ZBTB22: variants seen among roughly 807,000 people sequenced by gnomAD.
ZBTB22 encodes zinc finger and BTB domain-containing protein 22.
For missense variants in ZBTB22, 668 were observed against 834.1 expected, an observed-to-expected ratio of 0.80 and a Z score of 2.45; for synonymous variants, 356 against 347.3, an observed-to-expected ratio of 1.03 and a Z score of -0.28.
chr6:33,314,862 C>T lies in ZBTB22; in HGVS notation c.*150G>A. The T allele has an allele frequency of 7.2e-7, 1 of 1,388,826 alleles. No individual in the cohort carries two copies. Among genetic ancestry groups the T allele is most frequent in the Non-Finnish European group, 9.4e-7 (1 of 1,060,718 alleles). The allele number at this position is 1,388,826 out of a possible 1,614,324, so 86.0% of individuals were successfully genotyped here. Reference sequence around the variant, plus strand: ...GTAGAATGGGCGGGCGATGGTGAAACTGTGGTTCCCCTTCCAGAATATATA... The same window carrying T: ...GTAGAATGGGCGGGCGATGGTGAAATTGTGGTTCCCCTTCCAGAATATATA... On this transcript the variant is annotated 3_prime_UTR_variant, in exon 2 of 2. Coordinates refer to ENST00000431845, the MANE Select transcript of ZBTB22 (RefSeq NM_005453.5).
In ZBTB22 at chr6:33,316,036, T is replaced by C. The variant is rs1299443409; in HGVS notation, c.881A>G (p.Gln294Arg). 6 of 1,614,058 alleles carry C rather than the reference T, an allele frequency of 3.7e-6. No homozygotes were observed. The highest frequency in any genetic ancestry group is 2.2e-5 in the East Asian group (1 of 44,878). Reference protein sequence around the residue: ...PTYTPPSIMPQKHWVYVKRGG... With the variant: ...PTYTPPSIMPRKHWVYVKRGG... ...TCGCTTCACGTATACCCAGTGTTTCTGTGGCATGATGCTAGGGGGTGTGTA... is the reference window on the plus strand; with the variant it reads ...TCGCTTCACGTATACCCAGTGTTTCCGTGGCATGATGCTAGGGGGTGTGTA... Residue 294 changes from glutamine (Q) to arginine (R), a missense_variant, in exon 2 of 2, where the codon CAG (glutamine) becomes CGG (arginine). Physicochemically the swap from Gln to Arg is conservative, Grantham distance 43. Transcript: ENST00000431845. The surrounding 1 kb of genome is among the most constrained non-coding windows in gnomAD (Gnocchi z 7.2).
At chr6:33,317,632 A>T (rs1251160746) in intron 1 of ZBTB22, 21 bp downstream of exon 1, 1 of 91,244 alleles carries the variant, frequency 1.1e-5, no homozygotes, top group African/African-American at 4.2e-5. Flanking sequence ...GCGCCCCCCA[A>T]CCTCGCGCGT....
chr6:33,315,682 G>A lies in ZBTB22; in HGVS notation c.1235C>T (p.Pro412Leu), dbSNP rs750581021. 2 of 1,613,812 alleles carry A rather than the reference G, an allele frequency of 1.2e-6. No individual in the cohort carries two copies. Among genetic ancestry groups the A allele is most frequent in the Admixed American group, 1.7e-5 (1 of 60,010 alleles). ...GTCCAAGGGAAGGAGCGGTCGAGGA[G>A]GGTGGGAGGGGGCATAGGAAGAGGG... Reference protein sequence around the residue: ...PTPSSYAPSHPPRPLLPLDMQ... With the variant: ...PTPSSYAPSHLPRPLLPLDMQ... Residue 412 changes from proline to leucine, a missense_variant, in exon 2 of 2, where the codon CCT (proline) becomes CTT (leucine). Pro to Leu is a moderately conservative substitution (Grantham distance 98). Transcript: ENST00000431845. The surrounding 1 kb of genome is among the most constrained non-coding windows in gnomAD (Gnocchi z 5.4).
intron 1 of ZBTB22, 147 bp downstream of exon 1, chr6:33,317,506 C>T (rs1199220647): frequency 8.3e-6 from 1 of 121,066 alleles, no homozygotes. Context: ...CCCCCCCGTG[C>T]CCCGCCCACT....
At position 33,316,988 on chromosome 6, in the gene ZBTB22, G is replaced by A; in HGVS notation, c.-69-3C>T. On this transcript the variant is annotated splice_polypyrimidine_tract_variant and splice_region_variant and intron_variant, in intron 1 of 1. Transcript: ENST00000431845. The surrounding 1 kb of genome is among the most constrained non-coding windows in gnomAD (Gnocchi z 7.2). ...GAGGAGGGCGGCCGGGGGGGTCTCT[G>A]GGAAGAAAAAGAGAAAAGAATAATG... The A allele has an allele frequency of 1.4e-6, 2 of 1,469,054 alleles. No individual in the cohort carries two copies. 91.0% of individuals were successfully genotyped at this position (1,469,054 alleles called of 1,614,324 possible). A position where few individuals can be genotyped will look rare whatever the true frequency, so the allele number is the denominator to read the frequency against.
rs1409021359 is a variant in ZBTB22, at chr6:33,314,884, T to C, written c.*128A>G. 7 of 1,442,738 alleles carry C rather than the reference T, an allele frequency of 4.9e-6. No homozygotes were observed. In the Admixed American group the frequency reaches 8.8e-5, roughly 18 times the overall value. 89.4% of individuals were successfully genotyped at this position (1,442,738 alleles called of 1,614,324 possible). On this transcript the variant is annotated 3_prime_UTR_variant, in exon 2 of 2. Transcript: ENST00000431845. The stretch of plus-strand genomic sequence containing the variant: ...AAACTGTGGTTCCCCTTCCAGAATA[T>C]ATACAAGTCCACAGAGATAAAGGAA...
Position 33,315,759 on chromosome 6 carries a change from T to C in ZBTB22, c.1158A>G (p.Pro386=), listed in dbSNP as rs149236263. ...CTGCCACAGGACCCCCACCCTCATA[T>C]GGGCCAAAGTCATTGGAGGACTCAC... ...NFCESSNDFG[P]YEGGGPVAGL... The change falls in exon 2 of 2, where the codon CCA becomes CCG. Residue 386 remains proline (P), a synonymous_variant. Coordinates refer to ENST00000431845, the MANE Select transcript of ZBTB22 (RefSeq NM_005453.5). The surrounding 1 kb of genome is among the most constrained non-coding windows in gnomAD (Gnocchi z 5.4). 6.6e-5 allele frequency: 107 copies of C among 1,613,192 alleles called. No homozygotes were observed. Among genetic ancestry groups the C allele is most frequent in the Non-Finnish European group, 8.7e-5 (103 of 1,179,554 alleles).
intron 1 of ZBTB22, 70 bp downstream of exon 1, chr6:33,317,583 G>A (rs1302352923): frequency 1.2e-5 from 1 of 84,880 alleles, no homozygotes; most frequent in African/African-American, 4.6e-5. Context: ...CCCCCGCTCC[G>A]CCCCAAGCGC....
rs1249960182 is a variant in ZBTB22, at chr6:33,315,923, AG to A, written c.993del (p.Cys332ValfsTer9). 6.2e-7 allele frequency: 1 copy of A among 1,613,886 alleles called. No homozygotes were observed. Among genetic ancestry groups the A allele is most frequent in the South Asian group, 1.1e-5 (1 of 91,062 alleles). On this transcript the variant is annotated frameshift_variant, in exon 2 of 2. Coordinates refer to ENST00000431845, the MANE Select transcript of ZBTB22 (RefSeq NM_005453.5). LOFTEE classifies it low-confidence loss of function (END_TRUNC). This position sits in a 1 kb window ranked among gnomAD's most constrained non-coding sequence, Gnocchi z 5.4. ...AGTTCTTCATCTTCATCATCCTCACAGGTCAACACCAGATCTTCCTCCTCCT... is the reference window on the plus strand; with the variant it reads ...AGTTCTTCATCTTCATCATCCTCACAGTCAACACCAGATCTTCCTCCTCCT... Reference protein sequence around the residue: ...EEEEEEDLVLTCEDDEDEELG... With the variant: ...EEEEEEDLVLXCEDDEDEELG...
In ZBTB22 at chr6:33,316,555, G is replaced by A. The variant is rs754865043; in HGVS notation, c.362C>T (p.Ala121Val). The change falls in exon 2 of 2, where the codon GCT (alanine) becomes GTT (valine). Residue 121 changes from alanine (A) to valine (V), a missense_variant. Physicochemically the swap from Ala to Val is moderately conservative, Grantham distance 64 (BLOSUM62 0). Coordinates refer to ENST00000431845, the MANE Select transcript of ZBTB22 (RefSeq NM_005453.5). This position sits in a 1 kb window ranked among gnomAD's most constrained non-coding sequence, Gnocchi z 7.2. ...SAYTGRLSMA[A>V]ADIVNFLTVG... The stretch of plus-strand genomic sequence containing the variant: ...TGTAAGGAAGTTGACAATGTCAGCA[G>A]CAGCCATGCTGAGGCGGCCAGTGTA... 71 of 1,614,124 alleles carry A rather than the reference G, an allele frequency of 4.4e-5. No individual in the cohort carries two copies. Among genetic ancestry groups the A allele is most frequent in the Non-Finnish European group, 4.8e-5 (57 of 1,180,054 alleles).
intron 1 of ZBTB22, among the ~76,000 whole-genome samples, 176 bp downstream of exon 1, chr6:33,317,477 C>G (rs1769969289): frequency 1.2e-5 from 1 of 83,346 alleles, no homozygotes; most frequent in African/African-American, 3.1e-5. Flanking sequence ...TTCTCTAGCC[C>G]CGCCCCTTTC....
At position 33,316,214 on chromosome 6, in the gene ZBTB22, G is replaced by T; in HGVS notation, c.703C>A (p.Arg235Ser). ...GGGAATACAGGGCCACCTCCTCGAC[G>T]CTCCCCACTGCCCACTGCAGAAGCT... ...FAASAVGSGE[R>S]RGGGPVFPAP... is the part of the protein sequence containing the mutation. The change falls in exon 2 of 2, where the codon CGT becomes AGT. Residue 235 changes from arginine to serine, a missense_variant. Arg to Ser is a moderately radical substitution (Grantham distance 110, BLOSUM62 -1). Coordinates refer to ENST00000431845, the MANE Select transcript of ZBTB22 (RefSeq NM_005453.5). This position sits in a 1 kb window ranked among gnomAD's most constrained non-coding sequence, Gnocchi z 7.2. 1 of 1,614,046 alleles carries T rather than the reference G, an allele frequency of 6.2e-7. No individual in the cohort carries two copies. Among genetic ancestry groups the T allele is most frequent in the Non-Finnish European group, 8.5e-7 (1 of 1,180,024 alleles).
In ZBTB22 at chr6:33,316,009, C is replaced by A. The variant is rs1322050451; in HGVS notation, c.908G>T (p.Gly303Val). Reference protein sequence around the residue: ...PQKHWVYVKRGGNCPAPTPLV... With the variant: ...PQKHWVYVKRVGNCPAPTPLV... Reference sequence around the variant, plus strand: ...GGGTGTTGGCGCTGGGCAATTACCACCTCGCTTCACGTATACCCAGTGTTT... The same window carrying A: ...GGGTGTTGGCGCTGGGCAATTACCAACTCGCTTCACGTATACCCAGTGTTT... The change falls in exon 2 of 2, where the codon GGT becomes GTT. Residue 303 changes from glycine to valine, a missense_variant. Transcript: ENST00000431845. The surrounding 1 kb of genome is among the most constrained non-coding windows in gnomAD (Gnocchi z 7.2). 1 of 1,614,120 alleles carries A rather than the reference C, an allele frequency of 6.2e-7. No individual in the cohort carries two copies. Among genetic ancestry groups the A allele is most frequent in the South Asian group, 1.1e-5 (1 of 91,074 alleles).
chr6:33,315,259 C>T lies in ZBTB22; in HGVS notation c.1658G>A (p.Arg553Gln), dbSNP rs757017026. The T allele has an allele frequency of 1.2e-6, 2 of 1,613,504 alleles. No individual in the cohort carries two copies. Among genetic ancestry groups the T allele is most frequent in the Admixed American group, 1.7e-5 (1 of 60,006 alleles). ...TCCTCGGTGGCGCATGAAGCTGTCT[C>T]GCCACATGAACTTCTTGGCGCAGAC... is the stretch of plus-strand genomic sequence containing the variant. ...CGVCAKKFMW[R>Q]DSFMRHRGHC... The change falls in exon 2 of 2, where the codon CGA (arginine) becomes CAA (glutamine). Residue 553 changes from arginine (R) to glutamine (Q), a missense_variant. Arg to Gln is a conservative substitution (Grantham distance 43, BLOSUM62 1). Transcript: ENST00000431845. This position sits in a 1 kb window ranked among gnomAD's most constrained non-coding sequence, Gnocchi z 5.4.
chr6:33,317,356 T>C (rs1581771592), intron 1 of ZBTB22, among the ~76,000 whole-genome samples: 1 of 152,140 alleles, frequency 6.6e-6, no homozygotes, highest in Non-Finnish European at 1.5e-5. Context: ...TGCACCCACT[T>C]TTTGGGAGGG....
intron 1 of ZBTB22, among the ~76,000 whole-genome samples, 200 bp downstream of exon 1, chr6:33,317,453 C>G (rs1769964371): frequency 6.7e-6 from 1 of 150,210 alleles, no homozygotes; most frequent in African/African-American, 2.4e-5. Context: ...GACCACGCCC[C>G]CTTTCGCCCC....
At position 33,315,813 on chromosome 6, in the gene ZBTB22, TG is replaced by T; in HGVS notation, c.1103del (p.Pro368GlnfsTer87). The part of the protein sequence containing the change: ...ISDVRTLSEP[P>X]DKGEEQVNFC... ...AGTTGACCTGCTCCTCCCCCTTGTC[TG>T]GGGGCTCACTCAGGGTACGGACATC... On this transcript the variant is annotated frameshift_variant, in exon 2 of 2. Transcript: ENST00000431845. LOFTEE classifies it low-confidence loss of function (END_TRUNC). This position sits in a 1 kb window ranked among gnomAD's most constrained non-coding sequence, Gnocchi z 5.4. The T allele has an allele frequency of 6.2e-7, 1 of 1,612,894 alleles. No individual in the cohort carries two copies. Among genetic ancestry groups the T allele is most frequent in the Non-Finnish European group, 8.5e-7 (1 of 1,179,318 alleles).
chr6:33,316,684 G>C lies in ZBTB22; in HGVS notation c.233C>G (p.Ser78Cys), dbSNP rs759725598. 30 of 1,614,084 alleles carry C rather than the reference G, an allele frequency of 1.9e-5. No homozygotes were observed. Among genetic ancestry groups the C allele is most frequent in the Non-Finnish European group, 2.5e-5 (29 of 1,180,048 alleles). Residue 78 changes from serine (S) to cysteine (C), a missense_variant, in exon 2 of 2, where the codon TCC becomes TGC. Ser to Cys is a moderately radical substitution (Grantham distance 112). Transcript: ENST00000431845. The surrounding 1 kb of genome is among the most constrained non-coding windows in gnomAD (Gnocchi z 7.2). The stretch of plus-strand genomic sequence containing the variant: ...GACCTGATCATGGAAGTAAGGGGAG[G>C]AGGCAGCCAGGACAGCCCGATGAGC... ...FRAHRAVLAA[S>C]SPYFHDQVLL...
chr6:33,316,903 G>T lies in ZBTB22; in HGVS notation c.14C>A (p.Pro5His). ...AAGTGCTGCCCCACTGGGAGACAGA[G>T]GAGATGGCTCCATGTTGTGGAGGGA... MEPS[P>H]LSPSGAALPL... Residue 5 changes from proline to histidine, a missense_variant, in exon 2 of 2, where the codon CCT (proline) becomes CAT (histidine). Coordinates refer to ENST00000431845, the MANE Select transcript of ZBTB22 (RefSeq NM_005453.5). The surrounding 1 kb of genome is among the most constrained non-coding windows in gnomAD (Gnocchi z 7.2). 1 of 1,602,678 alleles carries T rather than the reference G, an allele frequency of 6.2e-7. No individual in the cohort carries two copies. Among genetic ancestry groups the T allele is most frequent in the Non-Finnish European group, 8.5e-7 (1 of 1,174,364 alleles).
Sources: allele counts gnomAD v4.1 joint callset (sites outside exome capture counted in the v4.1 genomes callset), GRCh38; gene constraint gnomAD v4.1.1; non-coding constraint Gnocchi (gnomAD v3.1); transcripts MANE v1.5; gene names NCBI Gene and HGNC (gene_info 2026-07-23, HGNC 2026-07-21).